Variants in HSPA14 observed in about 807,000 individuals in gnomAD.
HSPA14 encodes heat shock protein family A (Hsp70) member 14.
In HSPA14, 37 loss-of-function variants were observed where a neutral mutation model predicts 65.5. The ratio of observed to expected loss-of-function variants is 0.56; its 90% confidence interval spans 0.43 to 0.74. The LOEUF is 0.74. HSPA14 is among the 30% of genes least tolerant of loss of function. The pLI is 0.00. For missense variants in HSPA14, 564 were observed against 607.6 expected, an observed-to-expected ratio of 0.93 and a Z score of 0.75; for synonymous variants, 203 against 214.2, an observed-to-expected ratio of 0.95 and a Z score of 0.46.
At chr10:14,859,500 C>T (rs1832734664) in intron 10 of HSPA14, among the ~76,000 whole-genome samples, 2 of 152,116 alleles carry the variant, frequency 1.3e-5, no homozygotes, top group South Asian at 4.1e-4. Flanking sequence ...TCTGAAATCC[C>T]TTTGTTGTCA....
chr10:14,851,792 T>G (rs1427168003), intron 7 of HSPA14, among the ~76,000 whole-genome samples: 1 of 152,254 alleles, frequency 6.6e-6, no homozygotes, highest in Non-Finnish European at 1.5e-5. Context: ...ATAGAATGGA[T>G]AGTCGTTCAA....
At chr10:14,861,196 C>A (rs905311693) in intron 10 of HSPA14, among the ~76,000 whole-genome samples, 1 of 152,074 alleles carries the variant, frequency 6.6e-6, no homozygotes, top group Non-Finnish European at 1.5e-5. Context: ...AGACAACTCT[C>A]AAGTTGTGTT....
Position 14,849,743 on chromosome 10 carries a change from C to G in HSPA14, c.399C>G (p.Gly133=). 6.2e-7 allele frequency: 1 copy of G among 1,610,910 alleles called. No individual in the cohort carries two copies. The highest frequency in any genetic ancestry group is 8.5e-7 in the Non-Finnish European group (1 of 1,178,914). ...CAGAAACGGCACATTCTGTATTGGG[C>G]TCAGATGCAAATGATGTAGTTATTA... ...KMKETAHSVL[G]SDANDVVITV... Residue 133 remains glycine (G), a synonymous_variant, in exon 6 of 14, where the codon GGC becomes GGG. Transcript: ENST00000378372.
chr10:14,840,600 A>G (rs1313365518), intron 3 of HSPA14, among the ~76,000 whole-genome samples: 1 of 152,170 alleles, frequency 6.6e-6, no homozygotes, highest in Non-Finnish European at 1.5e-5. Context: ...GAACTTTTCC[A>G]CTTGACTTAC....
At chr10:14,845,107 A>G (rs1014275434) in intron 3 of HSPA14, 27 of 985,314 alleles carry the variant, frequency 2.7e-5, no homozygotes, top group Non-Finnish European at 3.3e-5. Context: ...CCGTGAACAG[A>G]TGAGCCTCCT....
At chr10:14,868,969 C>T (rs1427190866) in intron 12 of HSPA14, among the ~76,000 whole-genome samples, 1 of 152,072 alleles carries the variant, frequency 6.6e-6, no homozygotes, top group Non-Finnish European at 1.5e-5. Context: ...GCCTCAGCCT[C>T]CTGAGTAGCT....
At chr10:14,868,888 C>A (rs1049814579) in intron 12 of HSPA14, among the ~76,000 whole-genome samples, 1 of 152,042 alleles carries the variant, frequency 6.6e-6, no homozygotes. Context: ...GCTCTCTTGC[C>A]CAGGCCAGAG....
chr10:14,843,980 T>C (rs1443074881), intron 3 of HSPA14: 2 of 1,486,692 alleles, frequency 1.3e-6, no homozygotes, highest in African/African-American at 2.8e-5. Context: ...TCCTTTTCTG[T>C]GTCCTCAGAA....
intron 6 of HSPA14, among the ~76,000 whole-genome samples, chr10:14,850,036 G>C (rs1218796914): frequency 1.3e-5 from 2 of 152,168 alleles, no homozygotes; most frequent in East Asian, 1.9e-4. Flanking sequence ...ACACTGACGG[G>C]GGGGCGGCGG....
In HSPA14 at chr10:14,840,555, C is replaced by T. The variant is rs1250206126; in HGVS notation, c.221+398C>T. On this transcript the variant is annotated intron_variant, in intron 3 of 13. Transcript: ENST00000378372. ...AATTTATGTAGACACTATTGATTTT[C>T]TTCCTCAGGATCTTTTGTGACACTT... Among the ~76,000 whole-genome samples the T allele has an allele frequency of 3.3e-5, 5 of 152,156 alleles. No individual in the cohort carries two copies. In the East Asian group the frequency reaches 9.6e-4, roughly 29 times the overall value.
intron 10 of HSPA14, among the ~76,000 whole-genome samples, chr10:14,861,407 C>G (rs2131645196): frequency 6.6e-6 from 1 of 152,232 alleles, no homozygotes; most frequent in East Asian, 1.9e-4. Context: ...ATCACTGCAA[C>G]CCCTGTCTCC....
At chr10:14,845,870 C>G in intron 3 of HSPA14, 1 of 363,526 alleles carries the variant, frequency 2.8e-6, no homozygotes, top group South Asian at 1.1e-4. Flanking sequence ...CCAATTCATG[C>G]CTCAATTTCT....
At chr10:14,868,158 C>T (rs1294748433) in intron 12 of HSPA14, among the ~76,000 whole-genome samples, 1 of 152,094 alleles carries the variant, frequency 6.6e-6, no homozygotes, top group African/African-American at 2.4e-5. Context: ...TGCTCTTGGC[C>T]TACCTTGGTA....
intron 10 of HSPA14, among the ~76,000 whole-genome samples, chr10:14,862,468 A>G (rs1588818256): frequency 7.4e-6 from 1 of 135,450 alleles, no homozygotes; most frequent in Non-Finnish European, 1.6e-5. Flanking sequence ...TCCGCCTCCC[A>G]GGTTCACGCT....
chr10:14,866,905 AT>A (rs912137576), intron 10 of HSPA14, among the ~76,000 whole-genome samples, 177 bp from the exon 11 acceptor site: 4 of 152,182 alleles, frequency 2.6e-5, no homozygotes, highest in Admixed American at 2.6e-4. Context: ...TATCTATAAT[AT>A]GTTTAAATAT....
Position 14,838,389 on chromosome 10 carries a change from G to A in HSPA14, c.-14G>A, listed in dbSNP as rs745528791. 8 of 1,599,278 alleles carry A rather than the reference G, an allele frequency of 5.0e-6. No individual in the cohort carries two copies. In the East Asian group the frequency reaches 1.6e-4, roughly 31 times the overall value. On this transcript the variant is annotated 5_prime_UTR_variant, in exon 1 of 14. Transcript: ENST00000378372. ...GGACCCCCTCATTCCTGCCGCTGCC[G>A]TCCCTGCTGCCTCATGGCGGCCATC...
intron 1 of HSPA14, 87 bp downstream of exon 1, chr10:14,838,546 G>A: frequency 7.5e-7 from 1 of 1,324,728 alleles, no homozygotes; most frequent in Non-Finnish European, 1.0e-6. Flanking sequence ...AGAGCGGCGT[G>A]TCGCCGGCCT....
intron 3 of HSPA14, chr10:14,843,930 T>C: frequency 6.5e-7 from 1 of 1,533,004 alleles, no homozygotes; most frequent in Non-Finnish European, 8.7e-7. Flanking sequence ...CCTAAACTGG[T>C]AGAAGTCTAG....
At position 14,842,615 on chromosome 10, in the gene HSPA14, T is replaced by C. The variant is rs551672999; in HGVS notation, c.221+2458T>C. ...TCAGATAGTGACTGACCCAGACAAC[T>C]TAATGGAGGATGCTGCTTGGGCCAA... On this transcript the variant is annotated intron_variant, in intron 3 of 13. Transcript: ENST00000378372. The surrounding 1 kb of genome is among the most constrained non-coding windows in gnomAD (Gnocchi z 5.2). 3.7e-4 allele frequency: 568 copies of C among 1,536,132 alleles called. 5 individuals carry two copies. The South Asian group carries it at 6.3e-3, about 17-fold the overall frequency.
Sources: gnomAD v4.1 joint callset for allele counts (sites outside exome capture counted in the v4.1 genomes callset) on GRCh38, gnomAD v4.1.1 for gene constraint, Gnocchi (gnomAD v3.1) non-coding constraint, MANE v1.5 for transcripts, NCBI Gene and HGNC (gene_info 2026-07-23, HGNC 2026-07-21) for gene names.